SIPA1L3: variants seen among roughly 807,000 people sequenced by gnomAD.
The protein encoded by SIPA1L3 is signal-induced proliferation-associated 1-like protein 3.
In SIPA1L3, 59 loss-of-function variants were observed where a neutral mutation model predicts 150.1. That is an observed-to-expected ratio of 0.39 (90% CI 0.32 to 0.49). The LOEUF (loss-of-function observed/expected upper bound fraction) is 0.49. Ranked by LOEUF, SIPA1L3 falls within the 20% of genes least tolerant of loss-of-function variation. The pLI, the probability that SIPA1L3 is intolerant of heterozygous loss-of-function variation, is 0.86. For missense variants in SIPA1L3, 2,211 were observed against 2,489.5 expected (o/e 0.89, Z 2.38); for synonymous variants, 1,070 against 1,077.6 (o/e 0.99, Z 0.14).
In SIPA1L3 at chr19:38,192,698, C is replaced by T. The variant is rs113427490; in HGVS notation, c.4596+388C>T. Among the ~76,000 whole-genome samples, 79 of 152,280 alleles carry T rather than the reference C, an allele frequency of 5.2e-4. 1 individual carries two copies. The highest frequency in any genetic ancestry group is 1.8e-3 in the African/African-American group (73 of 41,562). The stretch of plus-strand genomic sequence containing the variant: ...TTCAGACTCTTGTTACTCAGGGACA[C>T]GGGTGGAAAGAACAGTGGGTGCCAG... On this transcript the variant is annotated intron_variant, in intron 17 of 21. Coordinates refer to ENST00000222345, the MANE Select transcript of SIPA1L3 (RefSeq NM_015073.3).
At chr19:38,016,710 C>G (rs1968240189) in intron 1 of SIPA1L3, among the ~76,000 whole-genome samples, 1 of 151,892 alleles carries the variant, frequency 6.6e-6, no homozygotes, top group Non-Finnish European at 1.5e-5. Context: ...CCAGGCTGGT[C>G]TTGAACTCCT....
rs1024300566 is a variant in SIPA1L3 at position 37,937,978 on chromosome 19, C to T, written c.-379+30620C>T. ...AGGAGAATTGCTTGAACCCAGGAGG[C>T]GGAGGTTGCAGTGAGCTGAGATGGT... On this transcript the variant is annotated intron_variant, in intron 1 of 21. Coordinates refer to ENST00000222345, the MANE Select transcript of SIPA1L3 (RefSeq NM_015073.3). Among the ~76,000 whole-genome samples the T allele has an allele frequency of 5.3e-5, 8 of 151,382 alleles. No individual in the cohort carries two copies. In the South Asian group the frequency reaches 8.4e-4, roughly 16 times the overall value.
chr19:38,038,506 G>C (rs1373212939), intron 2 of SIPA1L3, among the ~76,000 whole-genome samples: 1 of 149,688 alleles, frequency 6.7e-6, no homozygotes, highest in Non-Finnish European at 1.5e-5. Context: ...AGGGAGAATT[G>C]CTTGAACTCA....
At chr19:38,198,150 G>A (rs892468534) in intron 18 of SIPA1L3, among the ~76,000 whole-genome samples, 26 of 152,150 alleles carry the variant, frequency 1.7e-4, no homozygotes, top group African/African-American at 2.9e-4. Context: ...CAGGTAATCC[G>A]CCTGGTGCAC....
At chr19:38,135,788 T>G (rs1040334131) in intron 10 of SIPA1L3, among the ~76,000 whole-genome samples, 3 of 152,070 alleles carry the variant, frequency 2.0e-5, no homozygotes, top group Admixed American at 2.0e-4. Context: ...GTTCTTCAAA[T>G]GCAGAGGTGT....
intron 1 of SIPA1L3, among the ~76,000 whole-genome samples, chr19:37,957,606 A>T (rs1180106988): frequency 6.7e-6 from 1 of 150,112 alleles, no homozygotes; most frequent in Non-Finnish European, 1.5e-5. Flanking sequence ...CCCAGTCTGG[A>T]GTGCAGTGGC....
At chr19:38,009,278 G>A (rs763512656) in intron 1 of SIPA1L3, among the ~76,000 whole-genome samples, 47 of 152,102 alleles carry the variant, frequency 3.1e-4, no homozygotes, top group East Asian at 1.2e-3. Flanking sequence ...TTGGCCTCCC[G>A]AAGTGCTAGG....
At chr19:38,066,454 A>T (rs1406911422) in intron 2 of SIPA1L3, among the ~76,000 whole-genome samples, 6 of 152,342 alleles carry the variant, frequency 3.9e-5, no homozygotes, top group East Asian at 1.9e-4. Flanking sequence ...CAGTCAAAGC[A>T]TCGTGTACCT....
intron 1 of SIPA1L3, among the ~76,000 whole-genome samples, chr19:37,927,520 TCGTGTG>T (rs749246586): frequency 8.0e-6 from 1 of 125,346 alleles, no homozygotes; most frequent in Non-Finnish European, 1.7e-5. Context: ...TGTCTGTTGT[TCGTGTG>T]TGTGTGTGTG....
intron 12 of SIPA1L3, among the ~76,000 whole-genome samples, chr19:38,151,460 C>T (rs1971820330): frequency 6.6e-6 from 1 of 152,188 alleles, no homozygotes; most frequent in African/African-American, 2.4e-5. Context: ...GAAGTGTGTC[C>T]TGCCACCTGC....
At chr19:38,044,179 G>T (rs965247163) in intron 2 of SIPA1L3, among the ~76,000 whole-genome samples, 7 of 152,360 alleles carry the variant, frequency 4.6e-5, no homozygotes, top group Non-Finnish European at 8.8e-5. Flanking sequence ...CAGGGTCGGG[G>T]TTTGCAGGGA....
chr19:37,947,265 G>GGATCACAAGGTCAGGAGATCGA (rs2046720381), intron 1 of SIPA1L3, among the ~76,000 whole-genome samples: 1 of 151,844 alleles, frequency 6.6e-6, no homozygotes, highest in African/African-American at 2.4e-5. Context: ...CGAGGCGGGC[G>GGATCACAAGGTCAGGAGATCGA]GATCACAAGG....
intron 4 of SIPA1L3, among the ~76,000 whole-genome samples, chr19:38,098,459 A>G (rs374347223): frequency 6.7e-6 from 1 of 149,740 alleles, no homozygotes; most frequent in Non-Finnish European, 1.5e-5. Flanking sequence ...CAATGGCACA[A>G]TCTTGGCTCA....
intron 9 of SIPA1L3, among the ~76,000 whole-genome samples, chr19:38,130,262 C>T (rs889325459): frequency 2.0e-5 from 3 of 152,206 alleles, no homozygotes; most frequent in East Asian, 1.9e-4. Flanking sequence ...CTGCCATGGT[C>T]TCTGCAAGGT....
intron 18 of SIPA1L3, among the ~76,000 whole-genome samples, chr19:38,194,106 G>T (rs1429400792): frequency 6.6e-6 from 1 of 152,110 alleles, no homozygotes; most frequent in Admixed American, 6.5e-5. Flanking sequence ...TGTTGCCCTA[G>T]CACCCCCCAA....
At chr19:38,125,365 CCGCCTCCCCTAAT>C (rs1488486738) in intron 9 of SIPA1L3, among the ~76,000 whole-genome samples, 1 of 152,162 alleles carries the variant, frequency 6.6e-6, no homozygotes, top group African/African-American at 2.4e-5. Context: ...CTAGGCTACT[CCGCCTCCCCTAAT>C]CTTGACAGCA....
At chr19:37,992,355 A>G (rs1423244160) in intron 1 of SIPA1L3, among the ~76,000 whole-genome samples, 1 of 152,210 alleles carries the variant, frequency 6.6e-6, no homozygotes, top group East Asian at 1.9e-4. Flanking sequence ...CTGCACAGAT[A>G]ATATGATGAA....
At chr19:38,051,234 T>C (rs760315028) in intron 2 of SIPA1L3, among the ~76,000 whole-genome samples, 3 of 152,256 alleles carry the variant, frequency 2.0e-5, no homozygotes, top group Non-Finnish European at 2.9e-5. Flanking sequence ...TTGTCTCTGA[T>C]GACTATCTCT....
intron 2 of SIPA1L3, among the ~76,000 whole-genome samples, chr19:38,066,073 G>A (rs904095649): frequency 2.7e-5 from 4 of 150,530 alleles, no homozygotes; most frequent in African/African-American, 9.8e-5. Flanking sequence ...GATCTCTTGA[G>A]GAGATCCTGG....
Sources: gnomAD v4.1 joint callset for allele counts (sites outside exome capture counted in the v4.1 genomes callset) on GRCh38, gnomAD v4.1.1 for gene constraint, MANE v1.5 for transcripts, NCBI Gene and HGNC (gene_info 2026-07-23, HGNC 2026-07-21) for gene names.